PCDHA8: variants seen among roughly 807,000 people sequenced by gnomAD.
PCDHA8 encodes protocadherin alpha 8.
Under a neutral mutation model 61.8 loss-of-function variants are expected in PCDHA8, and 53 were observed. That is an observed-to-expected ratio of 0.86 (90% confidence interval 0.69 to 1.08). PCDHA8 has a LOEUF of 1.08. Among genes scored for constraint, PCDHA8 ranks in the 50% least tolerant of loss-of-function variants. The pLI is 0.00. For missense variants in PCDHA8, 1,293 were observed against 1,245.0 expected (o/e 1.04, Z -0.58); for synonymous variants, 618 against 556.6 (o/e 1.11, Z -1.55).
At chr5:140,863,259 G>T in intron 1 of PCDHA8, 1 of 1,448,654 alleles carries the variant, frequency 6.9e-7, no homozygotes. Context: ...TCGAGGTCCG[G>T]GAGGCAGCGC....
intron 1 of PCDHA8, chr5:140,869,699 C>T (rs10071369): frequency 6.2e-7 from 1 of 1,613,378 alleles, no homozygotes; most frequent in East Asian, 2.2e-5. Context: ...TTAAAGAAGT[C>T]TCTGGATAGA....
chr5:140,985,465 A>T (rs1195143465), intron 3 of PCDHA8, among the ~76,000 whole-genome samples: 1 of 152,126 alleles, frequency 6.6e-6, no homozygotes, highest in Non-Finnish European at 1.5e-5. Flanking sequence ...TGCTCCAAAA[A>T]ATTTGGTTGT....
At chr5:140,965,436 G>A (rs1389592396) in intron 1 of PCDHA8, among the ~76,000 whole-genome samples, 1 of 152,038 alleles carries the variant, frequency 6.6e-6, no homozygotes, top group Non-Finnish European at 1.5e-5. Flanking sequence ...TGCAGTCATT[G>A]AAATTGCTGG....
Position 140,841,973 on chromosome 5 carries a change from G to T in PCDHA8, c.652G>T (p.Gly218Cys), listed in dbSNP as rs2150326625. 77 of 1,613,744 alleles carry T rather than the reference G, an allele frequency of 4.8e-5. No individual in the cohort carries two copies. Among genetic ancestry groups the T allele is most frequent in the Non-Finnish European group, 6.3e-5 (74 of 1,179,858 alleles). Residue 218 changes from glycine to cysteine, a missense_variant, in exon 1 of 4, where the codon GGC becomes TGC. By Grantham distance (159) the Gly-to-Cys change is radical (BLOSUM62 -3). Coordinates refer to ENST00000531613, the MANE Select transcript of PCDHA8 (RefSeq NM_018911.3). ...CTTATTCCTGACAGCCACAGATGGGGGCAAACCTGAGCTCACAGGCACTGT... is the reference window on the plus strand; with the variant it reads ...CTTATTCCTGACAGCCACAGATGGGTGCAAACCTGAGCTCACAGGCACTGT... ...HHLFLTATDG[G>C]KPELTGTVQL...
intron 3 of PCDHA8, among the ~76,000 whole-genome samples, chr5:140,993,307 A>G (rs1388803376): frequency 6.6e-6 from 1 of 152,056 alleles, no homozygotes; most frequent in Non-Finnish European, 1.5e-5. Flanking sequence ...TGCCTCCAGG[A>G]TAATACCTTC....
In PCDHA8 at chr5:140,841,437, C is replaced by A. The variant is rs2150315470; in HGVS notation, c.116C>A (p.Ala39Asp). 2 of 1,612,838 alleles carry A rather than the reference C, an allele frequency of 1.2e-6. No homozygotes were observed. Among genetic ancestry groups the A allele is most frequent in the Non-Finnish European group, 1.7e-6 (2 of 1,179,886 alleles). ...GQLHYSVPEEAKHGTFVGRIA... is the reference protein window; with the variant it reads ...GQLHYSVPEEDKHGTFVGRIA... ...CTCCACTACTCCGTCCCCGAGGAGGCCAAACACGGCACCTTCGTGGGCCGG... is the reference window on the plus strand; with the variant it reads ...CTCCACTACTCCGTCCCCGAGGAGGACAAACACGGCACCTTCGTGGGCCGG... Residue 39 changes from alanine (A) to aspartate (D), a missense_variant, in exon 1 of 4, where the codon GCC (alanine) becomes GAC (aspartate). Ala to Asp is a moderately radical substitution (Grantham distance 126). Coordinates refer to ENST00000531613, the MANE Select transcript of PCDHA8 (RefSeq NM_018911.3).
At chr5:140,962,543 G>T (rs962454688) in intron 1 of PCDHA8, among the ~76,000 whole-genome samples, 1 of 152,176 alleles carries the variant, frequency 6.6e-6, no homozygotes, top group Non-Finnish European at 1.5e-5. Flanking sequence ...AACTAAAAAT[G>T]TAGAGGATCT....
chr5:140,865,089 TA>T (rs1554159250), intron 1 of PCDHA8: 1 of 152,250 alleles, frequency 6.6e-6, no homozygotes, highest in Admixed American at 6.5e-5. Flanking sequence ...GGGATATTAA[TA>T]AAGGCACTTC....
chr5:140,876,079 G>C, intron 1 of PCDHA8: 1 of 1,613,940 alleles, frequency 6.2e-7, no homozygotes, highest in Non-Finnish European at 8.5e-7. Flanking sequence ...ATTGGACAGA[G>C]AGCAAACGCC....
At chr5:140,863,360 G>T in intron 1 of PCDHA8, 1 of 1,206,130 alleles carries the variant, frequency 8.3e-7, no homozygotes, top group Non-Finnish European at 1.2e-6. Context: ...ACGCTGCGGT[G>T]CTTGGCGCAG....
chr5:141,007,524 C>T (rs2098334216), intron 3 of PCDHA8, among the ~76,000 whole-genome samples: 1 of 151,984 alleles, frequency 6.6e-6, no homozygotes, highest in African/African-American at 2.4e-5. Context: ...GCTGATATCT[C>T]GCCACTGCAC....
At chr5:140,958,406 G>A (rs576536874) in intron 1 of PCDHA8, among the ~76,000 whole-genome samples, 2 of 152,204 alleles carry the variant, frequency 1.3e-5, no homozygotes, top group African/African-American at 4.8e-5. Context: ...CATTATCACT[G>A]ATGCTTGGAA....
intron 1 of PCDHA8, among the ~76,000 whole-genome samples, chr5:140,880,559 G>A (rs929072104): frequency 2.0e-5 from 3 of 152,224 alleles, no homozygotes; most frequent in Non-Finnish European, 4.4e-5. Context: ...TGGAAATGAG[G>A]TTGAGAATTT....
intron 3 of PCDHA8, among the ~76,000 whole-genome samples, chr5:140,991,033 T>C (rs2097428117): frequency 6.6e-6 from 1 of 152,212 alleles, no homozygotes; most frequent in African/African-American, 2.4e-5. Context: ...ATATGTTGCA[T>C]ACTTAACTTT....
At chr5:140,907,582 G>C (rs978225789) in intron 1 of PCDHA8, among the ~76,000 whole-genome samples, 8 of 152,190 alleles carry the variant, frequency 5.3e-5, no homozygotes, top group African/African-American at 1.9e-4. Context: ...CAGGTAGCTG[G>C]CTGATCACCC....
chr5:140,876,185 A>AC (rs782573528), intron 1 of PCDHA8: 1 of 1,613,986 alleles, frequency 6.2e-7, no homozygotes, highest in East Asian at 2.2e-5. Context: ...GTGAATGACA[A>AC]TGGTCCGGCG....
intron 3 of PCDHA8, among the ~76,000 whole-genome samples, chr5:140,986,070 A>G (rs1554247713): frequency 6.6e-6 from 1 of 152,126 alleles, no homozygotes; most frequent in African/African-American, 2.4e-5. Flanking sequence ...TTTTAAAGAA[A>G]CTGTTCATTT....
intron 1 of PCDHA8, among the ~76,000 whole-genome samples, chr5:140,937,867 G>A (rs1009502911): frequency 7.9e-5 from 12 of 151,142 alleles, no homozygotes; most frequent in African/African-American, 1.2e-4. Flanking sequence ...AGCCGAGATC[G>A]CGCCACTGCA....
At chr5:140,924,968 C>T (rs1376675912) in intron 1 of PCDHA8, among the ~76,000 whole-genome samples, 1 of 150,880 alleles carries the variant, frequency 6.6e-6, no homozygotes, top group Non-Finnish European at 1.5e-5. Context: ...AAGGTGAGTG[C>T]AGTGGCTCAT....
Sources: gnomAD v4.1 joint callset for allele counts (sites outside exome capture counted in the v4.1 genomes callset) on GRCh38, gnomAD v4.1.1 for gene constraint, MANE v1.5 for transcripts, NCBI Gene and HGNC (gene_info 2026-07-23, HGNC 2026-07-21) for gene names.